Variants in ENOX2 observed in about 807,000 individuals in gnomAD.
ENOX2 encodes the protein ecto-NOX disulfide-thiol exchanger 2.
A neutral mutation model predicts 45.0 loss-of-function variants in ENOX2; 36 were observed. The ratio of observed to expected loss-of-function variants is 0.80; its 90% CI spans 0.61 to 1.06. ENOX2 has a LOEUF of 1.06. ENOX2 is among the 50% of genes least tolerant of loss of function. The pLI is 0.00. For synonymous variants in ENOX2, 174 were observed against 152.3 expected (o/e 1.14, Z -1.05); for missense variants, 423 against 462.5 (o/e 0.91, Z 0.78).
intron 2 of ENOX2, among the ~76,000 whole-genome samples, chrX:130,876,626 A>G (rs2078707705): frequency 8.9e-6 from 1 of 111,882 alleles, no homozygotes; most frequent in Admixed American, 9.5e-5. Flanking sequence ...TAAGCCATAC[A>G]TCAATAAAGC....
intron 10 of ENOX2, among the ~76,000 whole-genome samples, chrX:130,648,938 G>A (rs2036320581): frequency 5.7e-5 from 6 of 105,529 alleles, no homozygotes; most frequent in Non-Finnish European, 9.7e-5. Context: ...CCAGCTACTC[G>A]GGAGGCTGAG....
chrX:130,628,107 G>GT (rs1375299060), intron 13 of ENOX2, 64 bp from the exon 14 acceptor site: 1 of 757,182 alleles, frequency 1.3e-6, no homozygotes, highest in Non-Finnish European at 2.1e-6. Context: ...CCACATGACA[G>GT]TGAATAGCAA....
chrX:130,753,017 A>C (rs1018904492), intron 3 of ENOX2, among the ~76,000 whole-genome samples: 9 of 110,514 alleles, frequency 8.1e-5, no homozygotes, highest in Admixed American at 7.7e-4. Flanking sequence ...CAATACCCGC[A>C]ACACCCCACT....
chrX:130,650,693 T>C (rs990050200), intron 10 of ENOX2, among the ~76,000 whole-genome samples: 1 of 112,069 alleles, frequency 8.9e-6, no homozygotes, highest in Non-Finnish European at 1.9e-5. Flanking sequence ...CTATTTCCTA[T>C]GTGGGGAAAA....
intron 10 of ENOX2, among the ~76,000 whole-genome samples, chrX:130,650,332 G>A (rs1022751466): frequency 7.1e-5 from 8 of 111,926 alleles, no homozygotes; most frequent in Non-Finnish European, 1.3e-4. Context: ...AGCAAAGTGG[G>A]AGCAGATAAT....
chrX:130,738,812 A>G (rs2038916375), intron 3 of ENOX2, among the ~76,000 whole-genome samples: 2 of 111,828 alleles, frequency 1.8e-5, no homozygotes, highest in African/African-American at 6.5e-5. Flanking sequence ...TCATTAACTC[A>G]CCCCATGGGC....
intron 10 of ENOX2, among the ~76,000 whole-genome samples, chrX:130,652,907 C>G (rs1165384223): frequency 8.9e-6 from 1 of 112,202 alleles, no homozygotes; most frequent in Non-Finnish European, 1.9e-5. Context: ...TCACAAGGAA[C>G]TAACCCTACT....
chrX:130,883,674 A>G (rs1217890550), intron 2 of ENOX2, among the ~76,000 whole-genome samples: 1 of 111,390 alleles, frequency 9.0e-6, no homozygotes, highest in African/African-American at 3.3e-5. Flanking sequence ...AGCTGGCTCC[A>G]GCACACCACG....
chrX:130,752,998 A>G (rs1298698083), intron 3 of ENOX2, among the ~76,000 whole-genome samples: 1 of 107,976 alleles, frequency 9.3e-6, no homozygotes, highest in Admixed American at 9.8e-5. Context: ...CTAACTCTTC[A>G]TCTCTCTGCA....
chrX:130,665,724 A>G lies in ENOX2; in HGVS notation c.933T>C (p.His311=), dbSNP rs1396610591. ...IQFEQIVAVY[H]SASKQKAWDH... is the part of the protein sequence containing the mutation. Reference sequence around the variant, plus strand: ...CCCATGCCTTCTGCTTGGAGGCGGAATGGTACACAGCCACTATCTGCTCAA... The same window carrying G: ...CCCATGCCTTCTGCTTGGAGGCGGAGTGGTACACAGCCACTATCTGCTCAA... The change falls in exon 9 of 15, where the codon CAT becomes CAC. Residue 311 remains histidine (H), a synonymous_variant. Coordinates refer to ENST00000394363, the MANE Select transcript of ENOX2 (RefSeq NM_006375.4). 1.7e-6 allele frequency: 2 copies of G among 1,199,423 alleles called. No homozygotes were observed. The highest frequency in any genetic ancestry group is 2.2e-5 in the Admixed American group (1 of 45,581).
chrX:130,721,601 C>A (rs1249752891), intron 3 of ENOX2, among the ~76,000 whole-genome samples: 2 of 111,366 alleles, frequency 1.8e-5, no homozygotes, highest in Non-Finnish European at 3.8e-5. Flanking sequence ...ACATTACTGG[C>A]TATAGGAGAC....
intron 3 of ENOX2, among the ~76,000 whole-genome samples, chrX:130,780,777 A>C (rs1318151352): frequency 9.0e-6 from 1 of 111,331 alleles, no homozygotes; most frequent in East Asian, 2.8e-4. Context: ...GGGAGGAAAA[A>C]AGATTGTGTA....
chrX:130,626,741 G>A (rs1174863495), intron 14 of ENOX2, among the ~76,000 whole-genome samples: 1 of 111,799 alleles, frequency 8.9e-6, no homozygotes, highest in African/African-American at 3.3e-5. Context: ...TGAAGAGGAT[G>A]TATCACCACA....
intron 2 of ENOX2, among the ~76,000 whole-genome samples, chrX:130,800,144 C>A (rs985109642): frequency 1.8e-5 from 2 of 111,029 alleles, no homozygotes; most frequent in Admixed American, 1.9e-4. Context: ...ACCAAAGCTA[C>A]GCTCACATGT....
At position 130,733,449 on chromosome X, in the gene ENOX2, C is replaced by G. The variant is rs145893625; in HGVS notation, c.-38-30195G>C. Among the ~76,000 whole-genome samples, 25 of 110,769 alleles carry G rather than the reference C, an allele frequency of 2.3e-4. No homozygotes were observed. The East Asian group carries it at 7.0e-3, about 31-fold the overall frequency. On this transcript the variant is annotated intron_variant, in intron 3 of 14. Transcript: ENST00000394363. The stretch of plus-strand genomic sequence containing the variant: ...AATATGTAACTACCAAATGACCCCA[C>G]AATTACACTCCTGAACATTTATCCC...
intron 2 of ENOX2, among the ~76,000 whole-genome samples, chrX:130,811,937 A>G (rs1428815359): frequency 8.9e-6 from 1 of 112,253 alleles, no homozygotes; most frequent in Non-Finnish European, 1.9e-5. Flanking sequence ...TGAAAAATGC[A>G]ATACAGAGAG....
rs1406693461 is a variant in ENOX2, at chrX:130,622,959, C to T, written c.*2355G>A. Among the ~76,000 whole-genome samples the T allele has an allele frequency of 9.0e-6, 1 of 111,281 alleles. No homozygotes were observed. Among genetic ancestry groups the T allele is most frequent in the African/African-American group, 3.3e-5 (1 of 30,593 alleles). ...GCAGTTTTGAGTCCAAAGGCAGTCTCGAAGCAGAATTCCCTCCTCAGGGGA... is the reference window on the plus strand; with the variant it reads ...GCAGTTTTGAGTCCAAAGGCAGTCTTGAAGCAGAATTCCCTCCTCAGGGGA... On this transcript the variant is annotated 3_prime_UTR_variant, in exon 15 of 15. Transcript: ENST00000394363.
intron 3 of ENOX2, among the ~76,000 whole-genome samples, chrX:130,775,702 A>G (rs778825460): frequency 9.0e-6 from 1 of 111,675 alleles, no homozygotes; most frequent in African/African-American, 3.2e-5. Context: ...AAGTCTCATT[A>G]GGCCTTAGAC....
rs1438246776 is a variant in ENOX2, at chrX:130,624,648, C to A, written c.*666G>T. Reference sequence around the variant, plus strand: ...GGATACTTGCTTTCTGTAAACACATCTAGATGTACTTTTTACAATTCTGAA... The same window carrying A: ...GGATACTTGCTTTCTGTAAACACATATAGATGTACTTTTTACAATTCTGAA... On this transcript the variant is annotated 3_prime_UTR_variant, in exon 15 of 15. Coordinates refer to ENST00000394363, the MANE Select transcript of ENOX2 (RefSeq NM_006375.4). 1 of 112,833 alleles carries A rather than the reference C, an allele frequency of 8.9e-6. No individual in the cohort carries two copies. The highest frequency in any genetic ancestry group is 1.9e-5 in the Non-Finnish European group (1 of 53,398). The allele number at this position is 112,833 out of a possible 1,213,427, so 9.3% of individuals were successfully genotyped here. A position where few individuals can be genotyped will look rare whatever the true frequency, so the allele number is the denominator to read the frequency against.
Sources: gnomAD v4.1 joint callset for allele counts (sites outside exome capture counted in the v4.1 genomes callset) on GRCh38, gnomAD v4.1.1 for gene constraint, MANE v1.5 for transcripts, NCBI Gene and HGNC (gene_info 2026-07-23, HGNC 2026-07-21) for gene names.